The following PPP2R2C variants were observed in gnomAD, a reference collection of about 807,000 sequenced individuals.
The protein encoded by PPP2R2C is protein phosphatase 2 regulatory subunit Bgamma.
A neutral mutation model predicts 45.3 loss-of-function variants in PPP2R2C; 10 were observed. The observed-to-expected ratio is 0.22, with a 90% CI of 0.14 to 0.37. The LOEUF (loss-of-function observed/expected upper bound fraction) is 0.37, where lower values mean the gene tolerates loss of function less well. PPP2R2C is among the 10% of genes least tolerant of loss of function. The pLI is 1.00. For missense variants in PPP2R2C, 308 were observed against 619.7 expected, an observed-to-expected ratio of 0.50 and a Z score of 5.34; for synonymous variants, 257 against 245.4, an observed-to-expected ratio of 1.05 and a Z score of -0.44.
intron 6 of PPP2R2C, among the ~76,000 whole-genome samples, chr4:6,342,515 A>G (rs1311791488): frequency 6.6e-6 from 1 of 152,216 alleles, no homozygotes; most frequent in African/African-American, 2.4e-5. Flanking sequence ...ATTTCACCCA[A>G]CACCGGGCCA....
chr4:6,469,258 A>C (rs1175196429), intron 1 of PPP2R2C, among the ~76,000 whole-genome samples: 1 of 152,148 alleles, frequency 6.6e-6, no homozygotes, highest in Non-Finnish European at 1.5e-5. Context: ...CCAAAGGATG[A>C]GAAAGAGTCA....
chr4:6,503,462 T>C (rs1238034053), intron 2 of PPP2R2C, among the ~76,000 whole-genome samples: 2 of 152,240 alleles, frequency 1.3e-5, no homozygotes. Context: ...ACACTCAGCA[T>C]CTGCTAGCAT....
At chr4:6,511,026 A>C (rs1723431000) in intron 2 of PPP2R2C, among the ~76,000 whole-genome samples, 1 of 129,090 alleles carries the variant, frequency 7.7e-6, no homozygotes, top group Non-Finnish European at 1.6e-5. Context: ...ATGTTTGTTG[A>C]ATGAATGAAT....
At position 6,335,319 on chromosome 4, in the gene PPP2R2C, G is replaced by A. The variant is rs894153884; in HGVS notation, c.791-1588C>T. ...GGTAGTTTAGGTGAACAGGGCCTCC[G>A]TGGGAGGTGCTGTTTGACCAAGGTC... On this transcript the variant is annotated intron_variant, in intron 6 of 8. Transcript: ENST00000382599. 5.9e-5 allele frequency among the ~76,000 whole-genome samples: 9 copies of A among 152,302 alleles called. 1 individual carries two copies. Among genetic ancestry groups the A allele is most frequent in the African/African-American group, 2.2e-4 (9 of 41,570 alleles).
intron 1 of PPP2R2C, among the ~76,000 whole-genome samples, chr4:6,441,160 C>T (rs1222342965): frequency 6.6e-6 from 1 of 152,062 alleles, no homozygotes; most frequent in Admixed American, 6.5e-5. Context: ...TGAGGGAAGC[C>T]GCCAACAGGG....
intron 1 of PPP2R2C, among the ~76,000 whole-genome samples, chr4:6,465,665 AAG>A (rs1202704605): frequency 2.6e-5 from 4 of 152,124 alleles, no homozygotes; most frequent in African/African-American, 4.8e-5. Flanking sequence ...AAAAAAAAAA[AAG>A]CTTAAACTCT....
At chr4:6,395,434 G>A (rs1302586588) in intron 1 of PPP2R2C, among the ~76,000 whole-genome samples, 1 of 152,182 alleles carries the variant, frequency 6.6e-6, no homozygotes, top group Non-Finnish European at 1.5e-5. Context: ...TATGCAGCAA[G>A]GACCACCCGG....
intron 1 of PPP2R2C, among the ~76,000 whole-genome samples, chr4:6,463,765 G>A (rs1319766047): frequency 6.6e-6 from 1 of 152,216 alleles, no homozygotes; most frequent in Non-Finnish European, 1.5e-5. Context: ...AATGCCACCT[G>A]CCCTTCAGTC....
At chr4:6,373,128 A>G (rs1026494743) in intron 4 of PPP2R2C, among the ~76,000 whole-genome samples, 1 of 152,154 alleles carries the variant, frequency 6.6e-6, no homozygotes, top group African/African-American at 2.4e-5. Flanking sequence ...GTTCTGACCA[A>G]TGGGATGTGA....
chr4:6,553,041 T>G (rs1467429135), intron 1 of PPP2R2C, among the ~76,000 whole-genome samples: 1 of 152,054 alleles, frequency 6.6e-6, no homozygotes, highest in African/African-American at 2.4e-5. Context: ...AAGGAAGCAT[T>G]TGGGGCACAT....
intron 1 of PPP2R2C, chr4:6,382,253 G>C: frequency 1.6e-6 from 2 of 1,226,326 alleles, no homozygotes; most frequent in Non-Finnish European, 2.1e-6. Flanking sequence ...GCCCGCTGCT[G>C]TGAATGGGAC....
At chr4:6,431,300 G>T (rs182631153) in intron 1 of PPP2R2C, among the ~76,000 whole-genome samples, 1 of 152,272 alleles carries the variant, frequency 6.6e-6, no homozygotes, top group East Asian at 1.9e-4. Context: ...ATGTCTGCTG[G>T]CTCTCCAAAC....
At chr4:6,455,819 T>C (rs748231441) in intron 1 of PPP2R2C, among the ~76,000 whole-genome samples, 6 of 152,272 alleles carry the variant, frequency 3.9e-5, no homozygotes, top group Non-Finnish European at 7.4e-5. Context: ...CCTCCTGCCA[T>C]GAATGTCGCC....
chr4:6,340,157 CA>C (rs1733335129), intron 6 of PPP2R2C, among the ~76,000 whole-genome samples: 1 of 151,704 alleles, frequency 6.6e-6, no homozygotes, highest in Admixed American at 6.5e-5. Context: ...GATCGAGCCC[CA>C]TCAAACAAAA....
intron 1 of PPP2R2C, among the ~76,000 whole-genome samples, chr4:6,403,008 C>T (rs1360636314): frequency 2.0e-5 from 3 of 152,230 alleles, no homozygotes; most frequent in Non-Finnish European, 4.4e-5. Flanking sequence ...TCACTCACAC[C>T]TTCAAAGATC....
At chr4:6,463,584 T>A (rs1721439177) in intron 1 of PPP2R2C, among the ~76,000 whole-genome samples, 1 of 152,240 alleles carries the variant, frequency 6.6e-6, no homozygotes, top group Non-Finnish European at 1.5e-5. Context: ...GGCCCCCAGG[T>A]GTGTCCTGCT....
intron 5 of PPP2R2C, among the ~76,000 whole-genome samples, chr4:6,367,738 G>A (rs537034852): frequency 2.0e-5 from 3 of 152,316 alleles, no homozygotes; most frequent in Non-Finnish European, 4.4e-5. Context: ...CCCTGGATCT[G>A]TGTCTTGTCA....
At position 6,426,982 on chromosome 4, in the gene PPP2R2C, G is replaced by A. The variant is rs561587541; in HGVS notation, c.70+45178C>T. On this transcript the variant is annotated intron_variant, in intron 1 of 8. Transcript: ENST00000382599. Reference sequence around the variant, plus strand: ...GTTAATTTTGAAAATATCTTCCATCGGCCTGAGACTGAGATGGAAGCGGCC... The same window carrying A: ...GTTAATTTTGAAAATATCTTCCATCAGCCTGAGACTGAGATGGAAGCGGCC... Among the ~76,000 whole-genome samples the A allele has an allele frequency of 1.2e-4, 19 of 152,334 alleles. 1 individual carries two copies. Among genetic ancestry groups the A allele is most frequent in the South Asian group, 2.1e-4 (1 of 4,828 alleles).
intron 1 of PPP2R2C, among the ~76,000 whole-genome samples, chr4:6,425,816 T>C (rs1350306551): frequency 1.4e-5 from 2 of 143,656 alleles, no homozygotes; most frequent in African/African-American, 2.5e-5. Context: ...TGCTTGGCTG[T>C]GTGTGTGTGT....
Sources: allele counts gnomAD v4.1 joint callset (sites outside exome capture counted in the v4.1 genomes callset), GRCh38; gene constraint gnomAD v4.1.1; transcripts MANE v1.5; gene names NCBI Gene and HGNC (gene_info 2026-07-23, HGNC 2026-07-21).